Variants in MEIS2 observed in about 807,000 individuals in gnomAD.
MEIS2 encodes the protein homeobox protein Meis2.
MEIS2 carries 9 observed loss-of-function variants against 58.6 expected under a neutral mutation model. That is an observed-to-expected ratio of 0.15 (90% confidence interval 0.09 to 0.27). The LOEUF (loss-of-function observed/expected upper bound fraction) is 0.27. Ranked by LOEUF, MEIS2 falls within the 10% of genes least tolerant of loss-of-function variation. The pLI, the probability that MEIS2 is intolerant of heterozygous loss-of-function variation, is 1.00. For synonymous variants in MEIS2, 221 were observed against 228.4 expected, an observed-to-expected ratio of 0.97 and a Z score of 0.29; for missense variants, 427 against 635.0, an observed-to-expected ratio of 0.67 and a Z score of 3.52.
At chr15:36,977,516 A>G (rs1363440886) in intron 8 of MEIS2, among the ~76,000 whole-genome samples, 2 of 152,198 alleles carry the variant, frequency 1.3e-5, no homozygotes, top group African/African-American at 4.8e-5. Flanking sequence ...ATCATCACCT[A>G]CTAGAAGGAA....
At chr15:36,909,943 G>A (rs557241857) in intron 9 of MEIS2, among the ~76,000 whole-genome samples, 1 of 152,174 alleles carries the variant, frequency 6.6e-6, no homozygotes, top group South Asian at 2.1e-4. Context: ...GGAGACAAAG[G>A]AGAAATAGAG....
At chr15:37,034,523 A>G (rs1370432123) in intron 8 of MEIS2, among the ~76,000 whole-genome samples, 1 of 152,182 alleles carries the variant, frequency 6.6e-6, no homozygotes, top group Non-Finnish European at 1.5e-5. Flanking sequence ...AGCACAGCAG[A>G]GGTACAACAA....
At chr15:36,939,081 C>T (rs964693519) in intron 9 of MEIS2, among the ~76,000 whole-genome samples, 5 of 152,176 alleles carry the variant, frequency 3.3e-5, no homozygotes, top group Non-Finnish European at 4.4e-5. Context: ...CATGGTCTCT[C>T]GTACTATTTC....
intron 8 of MEIS2, among the ~76,000 whole-genome samples, chr15:37,003,584 T>C (rs2060813657): frequency 3.3e-5 from 5 of 152,210 alleles, no homozygotes; most frequent in Admixed American, 3.3e-4. Flanking sequence ...CAACAGGCCA[T>C]TTTATGTACT....
intron 8 of MEIS2, among the ~76,000 whole-genome samples, chr15:36,991,783 C>CTTTTTTTTTTT (rs11285545): frequency 7.3e-4 from 37 of 51,030 alleles, no homozygotes; most frequent in African/African-American, 1.1e-3. Flanking sequence ...TTTTTTTTTT[C>CTTTTTTTTTTT]TTTTTTTTTT....
chr15:36,932,340 G>A (rs914612067), intron 9 of MEIS2, among the ~76,000 whole-genome samples: 18 of 152,106 alleles, frequency 1.2e-4, no homozygotes, highest in African/African-American at 3.9e-4. Context: ...GAGTGCTCAG[G>A]CCTCTATAGT....
intron 9 of MEIS2, among the ~76,000 whole-genome samples, chr15:36,921,500 G>T (rs1378692939): frequency 1.3e-5 from 2 of 152,152 alleles, no homozygotes; most frequent in Non-Finnish European, 2.9e-5. Context: ...ACACCAAAGC[G>T]CTTAGTAGTC....
At chr15:36,937,849 GTCTA>G (rs2141351796) in intron 9 of MEIS2, among the ~76,000 whole-genome samples, 1 of 152,228 alleles carries the variant, frequency 6.6e-6, no homozygotes, top group East Asian at 1.9e-4. Flanking sequence ...ATTGGGGGTT[GTCTA>G]TTTGAGTCAA....
At chr15:37,033,119 G>A (rs1824666169) in intron 8 of MEIS2, among the ~76,000 whole-genome samples, 1 of 152,162 alleles carries the variant, frequency 6.6e-6, no homozygotes, top group South Asian at 2.1e-4. Flanking sequence ...TGCTACAGTT[G>A]GCCTTTGTTG....
chr15:37,015,644 C>T (rs896877940), intron 8 of MEIS2, among the ~76,000 whole-genome samples: 1 of 152,034 alleles, frequency 6.6e-6, no homozygotes, highest in African/African-American at 2.4e-5. Context: ...AGAGGAAGAT[C>T]AGAAAGGCCT....
At chr15:37,097,563 A>G (rs977903287) in intron 2 of MEIS2, among the ~76,000 whole-genome samples, 8 of 152,192 alleles carry the variant, frequency 5.3e-5, no homozygotes, top group African/African-American at 1.9e-4. Context: ...AAGAAAAAAA[A>G]GTAAAAAATA....
At chr15:36,922,320 CATATATAAA>C (rs776278377) in intron 9 of MEIS2, among the ~76,000 whole-genome samples, 2 of 152,054 alleles carry the variant, frequency 1.3e-5, no homozygotes, top group African/African-American at 2.4e-5. Flanking sequence ...AGTGAGACAG[CATATATAAA>C]AGTGCCCCGA....
At chr15:37,007,643 G>A (rs1876130663) in intron 8 of MEIS2, among the ~76,000 whole-genome samples, 1 of 152,112 alleles carries the variant, frequency 6.6e-6, no homozygotes, top group Non-Finnish European at 1.5e-5. Context: ...TTATTTTAAG[G>A]CAAAAACATT....
At chr15:37,016,879 C>T (rs1474885559) in intron 8 of MEIS2, among the ~76,000 whole-genome samples, 2 of 152,212 alleles carry the variant, frequency 1.3e-5, no homozygotes, top group African/African-American at 4.8e-5. Context: ...TGAAGGCACA[C>T]ACTCTATAAA....
chr15:37,021,108 T>C (rs961260519), intron 8 of MEIS2, among the ~76,000 whole-genome samples: 2 of 152,176 alleles, frequency 1.3e-5, no homozygotes, highest in African/African-American at 2.4e-5. Flanking sequence ...TAAATGTCTG[T>C]TGTTTAAGCC....
chr15:37,019,468 T>C (rs907062681), intron 8 of MEIS2, among the ~76,000 whole-genome samples: 3 of 152,220 alleles, frequency 2.0e-5, no homozygotes, highest in Non-Finnish European at 4.4e-5. Context: ...AGTGCACAGA[T>C]GACAATTTAA....
chr15:36,986,755 T>A (rs2060105854), intron 8 of MEIS2, among the ~76,000 whole-genome samples: 1 of 152,208 alleles, frequency 6.6e-6, no homozygotes, highest in African/African-American at 2.4e-5. Flanking sequence ...CTAGAGAAGG[T>A]AACGGCTTTC....
intron 9 of MEIS2, among the ~76,000 whole-genome samples, chr15:36,901,473 A>G (rs913572973): frequency 2.6e-4 from 39 of 152,354 alleles, no homozygotes; most frequent in African/African-American, 7.7e-4. Flanking sequence ...TGTCGCAGAC[A>G]TAAGTTTTCC....
intron 9 of MEIS2, among the ~76,000 whole-genome samples, chr15:36,902,207 C>G (rs1342444284): frequency 6.6e-6 from 1 of 152,228 alleles, no homozygotes; most frequent in Non-Finnish European, 1.5e-5. Context: ...CTAAATAGCT[C>G]TGTTCTCTCA....
Sources: gnomAD v4.1 joint callset for allele counts (sites outside exome capture counted in the v4.1 genomes callset) on GRCh38, gnomAD v4.1.1 for gene constraint, MANE v1.5 for transcripts, NCBI Gene and HGNC (gene_info 2026-07-23, HGNC 2026-07-21) for gene names.